The following EYS variants were observed in gnomAD, a reference collection of about 807,000 sequenced individuals.
EYS encodes protein eyes shut homolog.
EYS carries 250 observed loss-of-function variants against 282.1 expected under a neutral mutation model. The observed-to-expected ratio is 0.89, with a 90% CI of 0.80 to 0.98. EYS has a LOEUF of 0.98. EYS is among the 50% of genes least tolerant of loss of function. The probability of loss-of-function intolerance (pLI) is 0.00; values close to 1 mark genes in which losing one functional copy is unlikely to be tolerated. For synonymous variants in EYS, 1,355 were observed against 1,282.9 expected (o/e 1.06, Z -1.20); for missense variants, 4,016 against 3,709.0 (o/e 1.08, Z -2.15).
intron 19 of EYS, among the ~76,000 whole-genome samples, chr6:64,865,223 T>G (rs1449263697): frequency 6.6e-6 from 1 of 152,048 alleles, no homozygotes; most frequent in Non-Finnish European, 1.5e-5. Context: ...TACCAAGGTG[T>G]GGAAATAAAA....
chr6:65,392,775 G>C (rs1448879913), intron 7 of EYS, among the ~76,000 whole-genome samples: 2 of 150,848 alleles, frequency 1.3e-5, no homozygotes, highest in Non-Finnish European at 3.0e-5. Flanking sequence ...GATTCCTCAG[G>C]GATCTGGAAC....
In EYS at chr6:65,003,681, T is replaced by C. The variant is rs1328233872; in HGVS notation, c.2138-5978A>G. On this transcript the variant is annotated intron_variant, in intron 13 of 42. Transcript: ENST00000503581. Reference sequence around the variant, plus strand: ...TGCCCAGCTTTAAAATTTCTCTCTTTTGTACTCTGTCCCTTTATTTCTCAA... The same window carrying C: ...TGCCCAGCTTTAAAATTTCTCTCTTCTGTACTCTGTCCCTTTATTTCTCAA... Among the ~76,000 whole-genome samples the C allele has an allele frequency of 3.4e-5, 5 of 147,214 alleles. 1 individual carries two copies. The highest frequency in any genetic ancestry group is 6.8e-5 in the Admixed American group (1 of 14,774).
At chr6:64,566,877 G>A (rs970353524) in intron 26 of EYS, among the ~76,000 whole-genome samples, 1 of 152,054 alleles carries the variant, frequency 6.6e-6, no homozygotes, top group Non-Finnish European at 1.5e-5. Flanking sequence ...CAGTTCACAT[G>A]ATTCTCCTGC....
intron 5 of EYS, among the ~76,000 whole-genome samples, chr6:65,484,442 A>C (rs1765716221): frequency 6.6e-6 from 1 of 152,218 alleles, no homozygotes; most frequent in South Asian, 2.1e-4. Flanking sequence ...TATTTTTAAC[A>C]TGAGGATAAT....
chr6:64,347,217 A>C (rs554360526), intron 29 of EYS, among the ~76,000 whole-genome samples: 1 of 151,450 alleles, frequency 6.6e-6, no homozygotes, highest in Non-Finnish European at 1.5e-5. Flanking sequence ...CAATATATCT[A>C]CCTGATTTGG....
intron 12 of EYS, among the ~76,000 whole-genome samples, chr6:65,184,050 G>C (rs1463980744): frequency 6.6e-6 from 1 of 151,816 alleles, no homozygotes; most frequent in African/African-American, 2.4e-5. Flanking sequence ...GCACTGACTT[G>C]TCCTTAGTTT....
At chr6:64,647,665 T>C (rs1171157091) in intron 22 of EYS, among the ~76,000 whole-genome samples, 1 of 152,202 alleles carries the variant, frequency 6.6e-6, no homozygotes, top group African/African-American at 2.4e-5. Context: ...ACATTGTTTC[T>C]ATAGTCAGAA....
rs761990691 is a variant in EYS, at chr6:65,296,093, C to G, written c.1793G>C (p.Gly598Ala). The G allele has an allele frequency of 2.1e-5, 33 of 1,549,366 alleles. No homozygotes were observed. The South Asian group carries it at 3.7e-4, about 17-fold the overall frequency. Residue 598 changes from glycine (G) to alanine (A), a missense_variant, in exon 12 of 43, where the codon GGC becomes GCC. By Grantham distance (60) the Gly-to-Ala change is moderately conservative. Coordinates refer to ENST00000503581, the MANE Select transcript of EYS (RefSeq NM_001142800.2). ...PRCSCSLSYI[G>A]RLCVVNVDYC... Reference sequence around the variant, plus strand: ...GTCAACATTGACAACACACAATCTGCCAATGTAACTAAGAGAACAGCTGCA... The same window carrying G: ...GTCAACATTGACAACACACAATCTGGCAATGTAACTAAGAGAACAGCTGCA...
At chr6:65,610,613 AT>A in intron 2 of EYS, among the ~76,000 whole-genome samples, 1 of 152,052 alleles carries the variant, frequency 6.6e-6, no homozygotes, top group East Asian at 1.9e-4. Context: ...AATTTGACAC[AT>A]GTCCTCTGTC....
chr6:64,149,722 G>A (rs1582344040), intron 31 of EYS, among the ~76,000 whole-genome samples: 1 of 152,308 alleles, frequency 6.6e-6, no homozygotes, highest in South Asian at 2.1e-4. Flanking sequence ...CAATTAAAAT[G>A]TGAAGGAGAC....
intron 31 of EYS, among the ~76,000 whole-genome samples, chr6:64,173,377 A>G (rs1764537440): frequency 6.6e-6 from 1 of 152,186 alleles, no homozygotes; most frequent in Non-Finnish European, 1.5e-5. Context: ...GAGGGTATTA[A>G]CAAATCACTT....
At chr6:64,691,962 C>T (rs933053736) in intron 22 of EYS, among the ~76,000 whole-genome samples, 7 of 152,082 alleles carry the variant, frequency 4.6e-5, no homozygotes, top group East Asian at 1.9e-4. Flanking sequence ...GACAAACACA[C>T]GAGTCCATGT....
intron 29 of EYS, among the ~76,000 whole-genome samples, chr6:64,313,258 C>T (rs569398279): frequency 3.7e-4 from 56 of 152,088 alleles, no homozygotes; most frequent in South Asian, 2.1e-3. Context: ...ACAGCCAAAT[C>T]GATCAAGCAG....
chr6:64,802,159 G>A (rs776667032), intron 22 of EYS, among the ~76,000 whole-genome samples: 24 of 148,518 alleles, frequency 1.6e-4, no homozygotes, highest in Non-Finnish European at 2.7e-4. Context: ...TCAGCCTCCT[G>A]AGTAGCTGGG....
chr6:65,699,984 G>A (rs939743742), intron 1 of EYS, among the ~76,000 whole-genome samples: 15 of 151,308 alleles, frequency 9.9e-5, no homozygotes, highest in Non-Finnish European at 2.1e-4. Context: ...GCGTGGTGGC[G>A]GGCGCCTGTA....
chr6:65,141,337 T>A (rs1221832994), intron 12 of EYS, among the ~76,000 whole-genome samples: 4 of 151,880 alleles, frequency 2.6e-5, no homozygotes, highest in Non-Finnish European at 5.9e-5. Flanking sequence ...TTCTGGGGAC[T>A]GTTGTGGGGT....
chr6:64,508,681 TA>T (rs549402299), intron 26 of EYS, among the ~76,000 whole-genome samples: 28 of 151,514 alleles, frequency 1.8e-4, no homozygotes, highest in Middle Eastern at 3.5e-3. Context: ...CCTATGCTCT[TA>T]AAAATTATTG....
chr6:64,873,405 A>T (rs1464832277), intron 19 of EYS, among the ~76,000 whole-genome samples: 1 of 152,080 alleles, frequency 6.6e-6, no homozygotes, highest in Non-Finnish European at 1.5e-5. Context: ...AAGCAGTGAA[A>T]TTAATTTTCC....
chr6:65,321,529 C>T, intron 11 of EYS, among the ~76,000 whole-genome samples: 1 of 152,086 alleles, frequency 6.6e-6, no homozygotes. Context: ...AAGATAATAT[C>T]CTCAAGTTTT....
Sources: gnomAD v4.1 joint callset for allele counts (sites outside exome capture counted in the v4.1 genomes callset) on GRCh38, gnomAD v4.1.1 for gene constraint, MANE v1.5 for transcripts, NCBI Gene and HGNC (gene_info 2026-07-23, HGNC 2026-07-21) for gene names.